The following DOCK4 variants were observed in gnomAD, a reference collection of about 807,000 sequenced individuals.
The protein encoded by DOCK4 is dedicator of cytokinesis protein 4.
Under a neutral mutation model 268.1 loss-of-function variants are expected in DOCK4, and 97 were observed. The ratio of observed to expected loss-of-function variants is 0.36; its 90% CI spans 0.31 to 0.43. The LOEUF (loss-of-function observed/expected upper bound fraction) is 0.43. DOCK4 is among the 20% of genes least tolerant of loss of function. The pLI, the probability that DOCK4 is intolerant of heterozygous loss-of-function variation, is 1.00. For missense variants in DOCK4, 2,145 were observed against 2,455.7 expected (o/e 0.87, Z 2.67); for synonymous variants, 954 against 887.2 (o/e 1.08, Z -1.34).
At chr7:111,764,443 G>A (rs1312003543) in intron 39 of DOCK4, among the ~76,000 whole-genome samples, 1 of 152,078 alleles carries the variant, frequency 6.6e-6, no homozygotes, top group African/African-American at 2.4e-5. Context: ...TAGTTGCTTG[G>A]GGAATTACAT....
At chr7:112,176,201 T>G (rs1351684830) in intron 1 of DOCK4, among the ~76,000 whole-genome samples, 1 of 152,190 alleles carries the variant, frequency 6.6e-6, no homozygotes, top group African/African-American at 2.4e-5. Flanking sequence ...ACCTTTCTCT[T>G]ACTGAGTGAA....
chr7:112,026,212 G>A (rs1166432291), intron 1 of DOCK4, among the ~76,000 whole-genome samples: 1 of 152,240 alleles, frequency 6.6e-6, no homozygotes, highest in Non-Finnish European at 1.5e-5. Flanking sequence ...CAGAAGGTGA[G>A]TGGCAAGCGG....
intron 1 of DOCK4, among the ~76,000 whole-genome samples, chr7:112,012,495 C>T (rs1348685602): frequency 6.6e-6 from 1 of 152,102 alleles, no homozygotes; most frequent in African/African-American, 2.4e-5. Flanking sequence ...GTGCAAGGGA[C>T]GATAGACAGC....
chr7:111,863,208 A>G, intron 23 of DOCK4, 164 bp downstream of exon 23: 1 of 678,772 alleles, frequency 1.5e-6, no homozygotes. Flanking sequence ...TAATTGCCAT[A>G]CTTTTGTATT....
Position 111,891,463 on chromosome 7 carries a change from C to T in DOCK4, c.1587+4149G>A, listed in dbSNP as rs145173044. The stretch of plus-strand genomic sequence containing the variant: ...CCTATATAGTATTTCATTCACTGTA[C>T]GGGTATAACTAAATTTAATCAGATC... On this transcript the variant is annotated intron_variant, in intron 16 of 52. Coordinates refer to ENST00000428084, the MANE Select transcript of DOCK4 (RefSeq NM_001363540.2). Among the ~76,000 whole-genome samples, 357 of 152,136 alleles carry T rather than the reference C, an allele frequency of 2.3e-3. 1 individual carries two copies. Among genetic ancestry groups the T allele is most frequent in the Middle Eastern group, 6.8e-3 (2 of 294 alleles).
intron 1 of DOCK4, among the ~76,000 whole-genome samples, chr7:112,087,331 T>C (rs1157659365): frequency 6.6e-6 from 1 of 152,144 alleles, no homozygotes; most frequent in Non-Finnish European, 1.5e-5. Flanking sequence ...ATGGAATCAA[T>C]ATAACATAAG....
At chr7:111,769,706 G>C in intron 36 of DOCK4, 29 bp from the exon 37 acceptor site, 1 of 1,600,598 alleles carries the variant, frequency 6.2e-7, no homozygotes, top group Non-Finnish European at 8.5e-7. Flanking sequence ...GACAATGATT[G>C]AGACAGGACC....
chr7:111,797,129 A>C (rs1348080150), intron 30 of DOCK4, among the ~76,000 whole-genome samples: 1 of 152,204 alleles, frequency 6.6e-6, no homozygotes, highest in Non-Finnish European at 1.5e-5. Context: ...CCTTAACCTG[A>C]GAACGTTAAA....
At chr7:112,146,235 G>C (rs1276471054) in intron 1 of DOCK4, among the ~76,000 whole-genome samples, 1 of 152,144 alleles carries the variant, frequency 6.6e-6, no homozygotes, top group Non-Finnish European at 1.5e-5. Context: ...TCTAAGGTTG[G>C]CATGGGAGGA....
intron 16 of DOCK4, among the ~76,000 whole-genome samples, chr7:111,887,535 G>A: frequency 6.6e-6 from 1 of 152,116 alleles, no homozygotes; most frequent in Non-Finnish European, 1.5e-5. Context: ...TTTTCAAGAA[G>A]TGTTATTAAT....
At chr7:112,028,002 C>T (rs901124951) in intron 1 of DOCK4, among the ~76,000 whole-genome samples, 4 of 152,108 alleles carry the variant, frequency 2.6e-5, no homozygotes, top group Non-Finnish European at 4.4e-5. Context: ...AGAGGATTAC[C>T]GATACATCTG....
chr7:111,955,455 A>G (rs1364009329), intron 8 of DOCK4, among the ~76,000 whole-genome samples: 1 of 152,250 alleles, frequency 6.6e-6, no homozygotes, highest in Non-Finnish European at 1.5e-5. Flanking sequence ...TGGCACATAA[A>G]GAATTTGGGT....
At chr7:112,081,317 T>C (rs759067223) in intron 1 of DOCK4, among the ~76,000 whole-genome samples, 4 of 152,234 alleles carry the variant, frequency 2.6e-5, no homozygotes, top group African/African-American at 4.8e-5. Context: ...CTATTTCACA[T>C]GGAAACAAGA....
intron 46 of DOCK4, 52 bp downstream of exon 46, chr7:111,741,488 G>A (rs1415854816): frequency 1.3e-6 from 2 of 1,597,988 alleles, no homozygotes; most frequent in East Asian, 4.5e-5. Context: ...AACCATTCCA[G>A]ATCAGCTTGC....
chr7:112,052,895 T>C (rs1805486402), intron 1 of DOCK4, among the ~76,000 whole-genome samples: 1 of 152,162 alleles, frequency 6.6e-6, no homozygotes, highest in Non-Finnish European at 1.5e-5. Flanking sequence ...AAATATAAAG[T>C]CAGTCTGTTT....
intron 36 of DOCK4, among the ~76,000 whole-genome samples, chr7:111,777,459 C>T (rs1329404879): frequency 6.6e-6 from 1 of 152,054 alleles, no homozygotes; most frequent in East Asian, 1.9e-4. Context: ...GTATTTTTAT[C>T]CTCTTAAATT....
chr7:112,110,287 C>T (rs778998474), intron 1 of DOCK4, among the ~76,000 whole-genome samples: 4 of 152,126 alleles, frequency 2.6e-5, no homozygotes, highest in African/African-American at 4.8e-5. Context: ...GATTAAAAGT[C>T]CAAGATGAGT....
chr7:111,996,368 G>A (rs552226145), intron 4 of DOCK4, among the ~76,000 whole-genome samples: 9 of 152,292 alleles, frequency 5.9e-5, no homozygotes, highest in African/African-American at 1.9e-4. Flanking sequence ...TGTTCAAATA[G>A]TCTGTCGTAA....
chr7:111,944,570 C>T (rs1189530215), intron 10 of DOCK4, among the ~76,000 whole-genome samples: 1 of 152,140 alleles, frequency 6.6e-6, no homozygotes, highest in Non-Finnish European at 1.5e-5. Flanking sequence ...AAATGAAACA[C>T]AACAAACTTC....
Sources: gnomAD v4.1 joint callset for allele counts (sites outside exome capture counted in the v4.1 genomes callset) on GRCh38, gnomAD v4.1.1 for gene constraint, MANE v1.5 for transcripts, NCBI Gene and HGNC (gene_info 2026-07-23, HGNC 2026-07-21) for gene names.